ATG4C: variants seen among roughly 807,000 people sequenced by gnomAD.
ATG4C encodes autophagy related 4C cysteine peptidase, also known as cysteine protease ATG4C.
A neutral mutation model predicts 57.6 loss-of-function variants in ATG4C; 56 were observed. The ratio of observed to expected loss-of-function variants is 0.97; its 90% confidence interval spans 0.78 to 1.21. The LOEUF is 1.21. Among genes scored for constraint, ATG4C ranks in the 50% most tolerant of loss-of-function variants. The pLI is 0.00. For missense variants in ATG4C, 595 were observed against 529.8 expected (o/e 1.12, Z -1.21); for synonymous variants, 157 against 174.1 (o/e 0.90, Z 0.78).
At chr1:62,855,504 G>A (rs1666655345) in intron 10 of ATG4C, among the ~76,000 whole-genome samples, 1 of 152,022 alleles carries the variant, frequency 6.6e-6, no homozygotes, top group Non-Finnish European at 1.5e-5. Context: ...AATGTACTAG[G>A]GAATGAATTA....
chr1:62,819,339 A>G lies in ATG4C; in HGVS notation c.725+4A>G. On this transcript the variant is annotated splice_donor_region_variant and intron_variant, in intron 5 of 10. Transcript: ENST00000317868. ...CTGTGGTTGCTCACATTTTAAGGTA[A>G]AATTGTTTTAAAATCTTTCTTCTTG... 6.4e-7 allele frequency: 1 copy of G among 1,564,844 alleles called. No homozygotes were observed. Among genetic ancestry groups the G allele is most frequent in the South Asian group, 1.2e-5 (1 of 82,050 alleles).
At chr1:62,822,499 T>C (rs1572132901) in intron 6 of ATG4C, among the ~76,000 whole-genome samples, 1 of 152,342 alleles carries the variant, frequency 6.6e-6, no homozygotes, top group South Asian at 2.1e-4. Context: ...TTTGTGCTTT[T>C]ATTAACACAG....
At chr1:62,824,871 G>C (rs758811745) in intron 6 of ATG4C, among the ~76,000 whole-genome samples, 5 of 151,982 alleles carry the variant, frequency 3.3e-5, no homozygotes, top group Non-Finnish European at 7.4e-5. Flanking sequence ...GTCTCGCTAT[G>C]TTGCCCAGGC....
Position 62,806,852 on chromosome 1 carries a change from G to A in ATG4C, c.160+1597G>A, listed in dbSNP as rs114328043. On this transcript the variant is annotated intron_variant, in intron 3 of 10. Transcript: ENST00000317868. ...AAAAAACAACACATTATCATTGCAA[G>A]AGCTAGAAGCACATAGGACCATGAA... is the stretch of plus-strand genomic sequence containing the variant. 8.4e-3 allele frequency among the ~76,000 whole-genome samples: 1,273 copies of A among 152,294 alleles called. 37 individuals are homozygous for A. The highest frequency in any genetic ancestry group is 0.029 in the African/African-American group (1,190 of 41,566).
chr1:62,790,672 T>C (rs1427559919), intron 1 of ATG4C, among the ~76,000 whole-genome samples: 1 of 152,248 alleles, frequency 6.6e-6, no homozygotes, highest in Non-Finnish European at 1.5e-5. Context: ...AACTTTGTAA[T>C]ATATAGTTAT....
At chr1:62,809,154 G>T (rs1323693035) in intron 3 of ATG4C, among the ~76,000 whole-genome samples, 7 of 151,936 alleles carry the variant, frequency 4.6e-5, no homozygotes, top group Non-Finnish European at 1.0e-4. Flanking sequence ...GTCCAGGGTT[G>T]TCTCGAACTC....
chr1:62,821,297 T>G (rs777866917), intron 6 of ATG4C, 88 bp downstream of exon 6: 69 of 772,754 alleles, frequency 8.9e-5, no homozygotes, highest in Middle Eastern at 4.1e-4. Flanking sequence ...CTGTAAATGA[T>G]TATGAAGGTA....
In ATG4C at chr1:62,796,506, C is replaced by T. The variant is rs141223287; in HGVS notation, c.-68-7213C>T. Among the ~76,000 whole-genome samples, 343 of 152,034 alleles carry T rather than the reference C, an allele frequency of 2.3e-3. 2 individuals are homozygous for T. Among genetic ancestry groups the T allele is most frequent in the African/African-American group, 8.1e-3 (336 of 41,482 alleles). ...AGCTGAATCTGATGTCTTTAAGAACCACAAGAATAAGGTTCTTTATCTTAA... is the reference window on the plus strand; with the variant it reads ...AGCTGAATCTGATGTCTTTAAGAACTACAAGAATAAGGTTCTTTATCTTAA... On this transcript the variant is annotated intron_variant, in intron 1 of 10. Coordinates refer to ENST00000317868, the MANE Select transcript of ATG4C (RefSeq NM_032852.4).
At chr1:62,830,360 G>C (rs945005030) in intron 7 of ATG4C, among the ~76,000 whole-genome samples, 1 of 151,970 alleles carries the variant, frequency 6.6e-6, no homozygotes, top group Non-Finnish European at 1.5e-5. Context: ...TCTCTAGGTG[G>C]GTTCTAATCA....
At chr1:62,857,135 T>C (rs1372525848) in intron 10 of ATG4C, among the ~76,000 whole-genome samples, 1 of 152,118 alleles carries the variant, frequency 6.6e-6, no homozygotes, top group African/African-American at 2.4e-5. Context: ...CCCTGGACCA[T>C]GGACTCGTAC....
intron 4 of ATG4C, among the ~76,000 whole-genome samples, chr1:62,817,841 T>A (rs1412535715): frequency 6.6e-6 from 1 of 152,212 alleles, no homozygotes; most frequent in East Asian, 1.9e-4. Flanking sequence ...ATTGTCAGAT[T>A]TTTATAAGTG....
intron 2 of ATG4C, among the ~76,000 whole-genome samples, chr1:62,804,384 C>T (rs1017070319): frequency 1.3e-5 from 2 of 152,044 alleles, no homozygotes; most frequent in African/African-American, 2.4e-5. Flanking sequence ...GCCACTGGGC[C>T]TGGCCTTTTT....
chr1:62,791,157 A>G (rs1388615834), intron 1 of ATG4C, among the ~76,000 whole-genome samples: 2 of 152,202 alleles, frequency 1.3e-5, no homozygotes, highest in East Asian at 3.8e-4. Context: ...AGATATAACC[A>G]CATTCAGCCT....
At chr1:62,825,949 C>G (rs573928893) in intron 6 of ATG4C, among the ~76,000 whole-genome samples, 1 of 152,028 alleles carries the variant, frequency 6.6e-6, no homozygotes, top group African/African-American at 2.4e-5. Flanking sequence ...GCTCTGTTGT[C>G]CAGGTTGGAG....
At chr1:62,848,686 T>A (rs1255276092) in intron 10 of ATG4C, among the ~76,000 whole-genome samples, 1 of 152,164 alleles carries the variant, frequency 6.6e-6, no homozygotes, top group Non-Finnish European at 1.5e-5. Context: ...AAAGACATTC[T>A]CCTACATAAC....
At chr1:62,795,907 TA>T (rs1046200243) in intron 1 of ATG4C, among the ~76,000 whole-genome samples, 1 of 151,636 alleles carries the variant, frequency 6.6e-6, no homozygotes, top group African/African-American at 2.4e-5. Context: ...AAGCGCCTTC[TA>T]AAAATAGTTT....
intron 3 of ATG4C, among the ~76,000 whole-genome samples, chr1:62,806,137 T>C (rs1664872178): frequency 6.6e-6 from 1 of 152,314 alleles, no homozygotes; most frequent in South Asian, 2.1e-4. Flanking sequence ...TTTACATGTA[T>C]TAACTGTTGA....
In ATG4C at chr1:62,803,816, C is replaced by G. The variant is rs952018446; in HGVS notation, c.30C>G (p.Asp10Glu). The G allele has an allele frequency of 2.5e-6, 4 of 1,605,964 alleles. No homozygotes were observed. The highest frequency in any genetic ancestry group is 3.4e-6 in the Non-Finnish European group (4 of 1,175,900). The change falls in exon 2 of 11, where the codon GAC (aspartate) becomes GAG (glutamate). Residue 10 changes from aspartate to glutamate, a missense_variant. Transcript: ENST00000317868. ...AGGCTACAGGAACAGATGAAGTTGA[C>G]AAGCTAAAAACCAAATTTATATCTG... MEATGTDEV[D>E]KLKTKFISAW...
chr1:62,841,447 C>T lies in ATG4C; in HGVS notation c.1109C>T (p.Pro370Leu). ...TTACAGACATTCCACTGCCCTTCTCCCAAAAAGATGTCTTTTCGAAAAATG... is the reference window on the plus strand; with the variant it reads ...TTACAGACATTCCACTGCCCTTCTCTCAAAAAGATGTCTTTTCGAAAAATG... The part of the protein sequence containing the change: ...FPLETFHCPS[P>L]KKMSFRKMDP... The change falls in exon 10 of 11, where the codon CCC (proline) becomes CTC (leucine). Residue 370 changes from proline to leucine, a missense_variant. By Grantham distance (98) the Pro-to-Leu change is moderately conservative. Transcript: ENST00000317868. The T allele has an allele frequency of 6.2e-7, 1 of 1,606,622 alleles. No homozygotes were observed. Among genetic ancestry groups the T allele is most frequent in the Non-Finnish European group, 8.5e-7 (1 of 1,176,002 alleles).
Sources: allele counts gnomAD v4.1 joint callset (sites outside exome capture counted in the v4.1 genomes callset), GRCh38; gene constraint gnomAD v4.1.1; transcripts MANE v1.5; gene names NCBI Gene and HGNC (gene_info 2026-07-23, HGNC 2026-07-21).